Variants in MCCC1 observed in about 807,000 individuals in gnomAD.
MCCC1 encodes methylcrotonyl-CoA carboxylase subunit 1, also known as methylcrotonoyl-CoA carboxylase subunit alpha, mitochondrial.
Under a neutral mutation model 83.8 loss-of-function variants are expected in MCCC1, and 64 were observed. That is an observed-to-expected ratio of 0.76 (90% CI 0.62 to 0.94). The LOEUF (loss-of-function observed/expected upper bound fraction) is 0.94. MCCC1 is among the 40% of genes least tolerant of loss of function. The pLI is 0.00. For missense variants in MCCC1, 807 were observed against 904.7 expected (o/e 0.89, Z 1.39); for synonymous variants, 322 against 315.4 (o/e 1.02, Z -0.22).
intron 4 of MCCC1, among the ~76,000 whole-genome samples, chr3:183,086,182 T>C (rs1049483415): frequency 3.9e-5 from 6 of 152,200 alleles, no homozygotes. Context: ...ACACAGCCCC[T>C]TACTGCCTTC....
intron 16 of MCCC1, among the ~76,000 whole-genome samples, 189 bp downstream of exon 16, chr3:183,022,228 A>G (rs752594412): frequency 2.6e-5 from 4 of 152,222 alleles, no homozygotes; most frequent in African/African-American, 4.8e-5. Context: ...GAACGAGAGA[A>G]GTGAATGGGA....
At chr3:183,057,461 G>T in intron 7 of MCCC1, 39 bp from the exon 8 acceptor site, 1 of 1,459,396 alleles carries the variant, frequency 6.9e-7, no homozygotes, top group East Asian at 2.4e-5. Flanking sequence ...ATATTTGTTA[G>T]GGGTGATAAA....
intron 2 of MCCC1, 40 bp from the exon 3 acceptor site, chr3:183,092,585 G>A (rs756635373): frequency 1.9e-6 from 3 of 1,612,418 alleles, no homozygotes; most frequent in Admixed American, 3.3e-5. Flanking sequence ...AAATGTTACT[G>A]GAGAGCAAAG....
Position 183,041,649 on chromosome 3 carries a change from G to C in MCCC1, c.1185C>G (p.Phe395Leu). 6.2e-7 allele frequency: 1 copy of C among 1,614,230 alleles called. No individual in the cohort carries two copies. The highest frequency in any genetic ancestry group is 8.5e-7 in the Non-Finnish European group (1 of 1,180,028). The change falls in exon 11 of 19, where the codon TTC becomes TTG. Residue 395 changes from phenylalanine (F) to leucine (L), a missense_variant. Coordinates refer to ENST00000265594, the MANE Select transcript of MCCC1 (RefSeq NM_020166.5). The part of the protein sequence containing the change: ...RIYAEDPSNN[F>L]MPVAGPLVHL... ...GCACTAATGGGCCTGCCACAGGCAT[G>C]AAGTTATTGCTAGGATCTTCTGCAT...
upstream of MCCC1, among the ~76,000 whole-genome samples, chr3:183,102,268 A>G (rs977426631): frequency 6.6e-6 from 1 of 152,134 alleles, no homozygotes. Flanking sequence ...CGGGAGACTG[A>G]GGCAGGATCA....
intron 14 of MCCC1, among the ~76,000 whole-genome samples, chr3:183,029,693 T>C (rs1361856935): frequency 1.3e-5 from 2 of 152,162 alleles, no homozygotes; most frequent in Non-Finnish European, 2.9e-5. Context: ...GCATCTTATT[T>C]TTTTTTCCTT....
At chr3:183,071,706 CT>C (rs780994709) in intron 5 of MCCC1, among the ~76,000 whole-genome samples, 17 of 35,948 alleles carry the variant, frequency 4.7e-4, no homozygotes, top group Non-Finnish European at 6.9e-4. Context: ...CAAACTATTT[CT>C]TTTTTTTTTT....
chr3:183,015,508 G>A lies in MCCC1; in HGVS notation c.2108C>T (p.Ala703Val). 4 of 1,614,088 alleles carry A rather than the reference G, an allele frequency of 2.5e-6. No homozygotes were observed. Among genetic ancestry groups the A allele is most frequent in the South Asian group, 1.1e-5 (1 of 91,080 alleles). The change falls in exon 19 of 19, where the codon GCT becomes GTT. Residue 703 changes from alanine (A) to valine (V), a missense_variant. Transcript: ENST00000265594. ...TVKKVFYREG[A>V]QANRHTPLVE... The stretch of plus-strand genomic sequence containing the variant: ...TAAAGGAGTGTGTCTGTTGGCCTGA[G>A]CACCTTCTCTGTAGAACACTTTCTT...
intron 13 of MCCC1, among the ~76,000 whole-genome samples, chr3:183,034,778 T>TC (rs60850587): frequency 2.3e-5 from 1 of 44,132 alleles, no homozygotes; most frequent in African/African-American, 3.5e-5. Context: ...CTTATAGGCC[T>TC]TTTTTTTTTT....
At position 183,041,728 on chromosome 3, in the gene MCCC1, G is replaced by C. The variant is rs749352296; in HGVS notation, c.1106C>G (p.Pro369Arg). ...CAGAGTTATTTCTTCCTGGCTCAAAGGAATCTTCTCTCCTGCTGCAATCTG... is the reference window on the plus strand; with the variant it reads ...CAGAGTTATTTCTTCCTGGCTCAAACGAATCTTCTCTCCTGCTGCAATCTG... ...QLRIAAGEKIPLSQEEITLQG... is the reference protein window; with the variant it reads ...QLRIAAGEKIRLSQEEITLQG... The change falls in exon 11 of 19, where the codon CCT (proline) becomes CGT (arginine). Residue 369 changes from proline to arginine, a missense_variant. Coordinates refer to ENST00000265594, the MANE Select transcript of MCCC1 (RefSeq NM_020166.5). 4 of 1,614,138 alleles carry C rather than the reference G, an allele frequency of 2.5e-6. No homozygotes were observed. The South Asian group carries it at 4.4e-5, about 18-fold the overall frequency.
intron 1 of MCCC1, among the ~76,000 whole-genome samples, chr3:183,107,367 C>T (rs1719421839): frequency 6.7e-6 from 1 of 149,692 alleles, no homozygotes; most frequent in Non-Finnish European, 1.5e-5. Flanking sequence ...GAGATCGTGC[C>T]TTTGCACTCC....
chr3:183,052,678 C>T (rs1179996308), intron 8 of MCCC1, among the ~76,000 whole-genome samples: 4 of 151,898 alleles, frequency 2.6e-5, no homozygotes, highest in Middle Eastern at 3.4e-3. Flanking sequence ...GGCATGGTGG[C>T]GGGCGCCTGT....
chr3:183,096,476 GC>G (rs1718744489), intron 1 of MCCC1, among the ~76,000 whole-genome samples: 2 of 152,134 alleles, frequency 1.3e-5, no homozygotes. Flanking sequence ...TATTCACAAA[GC>G]ACAAGATAAA....
intron 15 of MCCC1, among the ~76,000 whole-genome samples, chr3:183,024,349 G>A (rs1010744324): frequency 1.3e-5 from 2 of 152,074 alleles, no homozygotes; most frequent in East Asian, 1.9e-4. Context: ...GCTACTGAAC[G>A]TGTGATAATG....
chr3:183,078,542 T>C (rs550658769), intron 4 of MCCC1, among the ~76,000 whole-genome samples: 7 of 152,360 alleles, frequency 4.6e-5, no homozygotes, highest in Admixed American at 4.6e-4. Context: ...ATTTAGAACT[T>C]CTTTAGTATC....
In MCCC1 at chr3:183,041,627, C is replaced by T; in HGVS notation, c.1207G>A (p.Val403Met). 1 of 1,614,222 alleles carries T rather than the reference C, an allele frequency of 6.2e-7. No homozygotes were observed. Among genetic ancestry groups the T allele is most frequent in the Non-Finnish European group, 8.5e-7 (1 of 1,180,034 alleles). ...TCTGCTCGAGGAGTAGAGAGGTGCA[C>T]TAATGGGCCTGCCACAGGCATGAAG... ...NNFMPVAGPL[V>M]HLSTPRADPS... Residue 403 changes from valine (V) to methionine (M), a missense_variant, in exon 11 of 19, where the codon GTG (valine) becomes ATG (methionine). Val to Met is a conservative substitution (Grantham distance 21, BLOSUM62 1). Transcript: ENST00000265594.
intron 2 of MCCC1, among the ~76,000 whole-genome samples, chr3:183,094,344 C>T (rs934216510): frequency 1.4e-4 from 21 of 152,106 alleles, no homozygotes; most frequent in Admixed American, 3.9e-4. Flanking sequence ...CCACTGCGCC[C>T]GGCTGCCCTC....
At chr3:183,090,057 C>CCAG (rs1718204334) in intron 3 of MCCC1, among the ~76,000 whole-genome samples, 1 of 152,032 alleles carries the variant, frequency 6.6e-6, no homozygotes, top group African/African-American at 2.4e-5. Context: ...TGAGAGTGCA[C>CCAG]ACTGAGAAAA....
chr3:183,038,723 A>T (rs1713822725), intron 12 of MCCC1, among the ~76,000 whole-genome samples: 1 of 152,210 alleles, frequency 6.6e-6, no homozygotes, highest in Non-Finnish European at 1.5e-5. Context: ...TAGGAAAAAT[A>T]AAAAACCTAC....
Sources: gnomAD v4.1 joint callset for allele counts (sites outside exome capture counted in the v4.1 genomes callset) on GRCh38, gnomAD v4.1.1 for gene constraint, MANE v1.5 for transcripts, NCBI Gene and HGNC (gene_info 2026-07-23, HGNC 2026-07-21) for gene names.